The following KCNMA1 variants were observed in gnomAD, a reference collection of about 807,000 sequenced individuals.
KCNMA1 encodes potassium calcium-activated channel subfamily M alpha 1.
A neutral mutation model predicts 140.0 loss-of-function variants in KCNMA1; 29 were observed. That is an observed-to-expected ratio of 0.21 (90% CI 0.15 to 0.28). The LOEUF (loss-of-function observed/expected upper bound fraction) is 0.28, where lower values mean the gene tolerates loss of function less well. KCNMA1 is among the 10% of genes least tolerant of loss of function. KCNMA1 has a pLI of 1.00. For missense variants in KCNMA1, 880 were observed against 1,602.2 expected (o/e 0.55, Z 7.70); for synonymous variants, 612 against 611.9 (o/e 1.00, Z 0.00).
intron 2 of KCNMA1, among the ~76,000 whole-genome samples, chr10:77,389,449 C>T (rs1482654409): frequency 4.6e-5 from 7 of 152,134 alleles, no homozygotes; most frequent in Admixed American, 4.6e-4. Context: ...CCATGATTTG[C>T]AGCAGTTCAG....
At position 77,403,345 on chromosome 10, in the gene KCNMA1, A is replaced by G. The variant is rs139421783; in HGVS notation, c.540+517T>C. Among the ~76,000 whole-genome samples the G allele has an allele frequency of 1.4e-4, 22 of 152,166 alleles. No individual in the cohort carries two copies. The East Asian group carries it at 3.9e-3, about 27-fold the overall frequency. On this transcript the variant is annotated intron_variant, in intron 2 of 27. Transcript: ENST00000286628. ...GTGGGCTACTGATGCATCCACCATCAGCATGACTGATTTCTACCGTGCACA... is the reference window on the plus strand; with the variant it reads ...GTGGGCTACTGATGCATCCACCATCGGCATGACTGATTTCTACCGTGCACA...
At chr10:77,125,779 C>T (rs1180697702) in intron 5 of KCNMA1, among the ~76,000 whole-genome samples, 1 of 152,194 alleles carries the variant, frequency 6.6e-6, no homozygotes, top group South Asian at 2.1e-4. Context: ...CTCAATAAAT[C>T]CTTGTTTGAA....
chr10:76,949,226 C>T lies in KCNMA1; in HGVS notation c.2625G>A (p.Lys875=). 1.2e-6 allele frequency: 2 copies of T among 1,614,124 alleles called. No individual in the cohort carries two copies. The highest frequency in any genetic ancestry group is 1.7e-6 in the Non-Finnish European group (2 of 1,179,990). Residue 875 remains lysine (K), a synonymous_variant, in exon 22 of 28, where the codon AAG becomes AAA. Transcript: ENST00000286628. ...CAATAGAGCCCACAAACACAATGTG[C>T]TTGAGCTCATGGTAATGAAAGTTGC... is the stretch of plus-strand genomic sequence containing the variant. ...RASNFHYHEL[K]HIVFVGSIEY...
At chr10:77,317,605 T>C (rs766959286) in intron 2 of KCNMA1, among the ~76,000 whole-genome samples, 1 of 152,238 alleles carries the variant, frequency 6.6e-6, no homozygotes, top group Admixed American at 6.5e-5. Context: ...AAATTCCTAA[T>C]TGAAGATGCG....
At chr10:77,496,479 C>A (rs1018260066) in intron 1 of KCNMA1, among the ~76,000 whole-genome samples, 1 of 151,664 alleles carries the variant, frequency 6.6e-6, no homozygotes, top group Admixed American at 6.6e-5. Flanking sequence ...CGCCTGTAGT[C>A]CCATCTACTT....
At chr10:77,424,250 T>G (rs2096927960) in intron 1 of KCNMA1, among the ~76,000 whole-genome samples, 4 of 152,262 alleles carry the variant, frequency 2.6e-5, no homozygotes, top group Admixed American at 2.6e-4. Flanking sequence ...TTGTTGGATG[T>G]GTCTAGCACA....
downstream of KCNMA1, among the ~76,000 whole-genome samples, chr10:76,883,578 C>T (rs76441846): frequency 6.6e-6 from 1 of 152,132 alleles, no homozygotes; most frequent in East Asian, 1.9e-4. Flanking sequence ...TATTGTTCAC[C>T]CCTTTCAAAG....
At chr10:77,534,767 T>C in intron 1 of KCNMA1, among the ~76,000 whole-genome samples, 1 of 152,186 alleles carries the variant, frequency 6.6e-6, no homozygotes, top group East Asian at 1.9e-4. Context: ...ATTTGAGATG[T>C]TCCCAAAACA....
At chr10:76,888,650 T>C (rs1365586868) in intron 27 of KCNMA1, among the ~76,000 whole-genome samples, 1 of 152,204 alleles carries the variant, frequency 6.6e-6, no homozygotes, top group Non-Finnish European at 1.5e-5. Context: ...TAAACTGTTA[T>C]TTCTCTGCTT....
intron 1 of KCNMA1, among the ~76,000 whole-genome samples, chr10:77,596,655 G>A (rs1030322710): frequency 3.3e-5 from 5 of 152,172 alleles, no homozygotes; most frequent in Admixed American, 2.6e-4. Flanking sequence ...TCCAATGTTC[G>A]ACAAGGTGTG....
At chr10:77,478,935 G>A (rs1603627860) in intron 1 of KCNMA1, among the ~76,000 whole-genome samples, 1 of 152,178 alleles carries the variant, frequency 6.6e-6, no homozygotes, top group Admixed American at 6.5e-5. Flanking sequence ...ATAACGTAAT[G>A]TTAAGAAGAA....
rs566065787 is a variant in KCNMA1 at position 76,948,126 on chromosome 10, T to C, written c.2709+1016A>G. On this transcript the variant is annotated intron_variant, in intron 22 of 27. Transcript: ENST00000286628. Reference sequence around the variant, plus strand: ...CTCAAGTGATCCTCCCAACTCAGCCTCTCAAGTAGCTGGAACTACAAGCAC... The same window carrying C: ...CTCAAGTGATCCTCCCAACTCAGCCCCTCAAGTAGCTGGAACTACAAGCAC... 5.8e-4 allele frequency among the ~76,000 whole-genome samples: 88 copies of C among 152,202 alleles called. 4 individuals carry two copies. In the South Asian group the frequency reaches 0.018, roughly 31 times the overall value.
At chr10:77,634,458 G>A (rs2093536311) in intron 1 of KCNMA1, 1 of 985,302 alleles carries the variant, frequency 1.0e-6, no homozygotes, top group African/African-American at 1.7e-5. Context: ...ACAGTCTTGG[G>A]TTCCTTTGAT....
intron 17 of KCNMA1, among the ~76,000 whole-genome samples, chr10:77,017,704 G>A (rs1565565934): frequency 1.3e-5 from 2 of 152,286 alleles, no homozygotes; most frequent in East Asian, 1.9e-4. Flanking sequence ...ATCGTTCTGT[G>A]CTCAGCGTAT....
intron 2 of KCNMA1, among the ~76,000 whole-genome samples, chr10:77,301,836 A>T (rs914762991): frequency 6.7e-6 from 1 of 150,162 alleles, no homozygotes; most frequent in Admixed American, 6.7e-5. Context: ...ATGCTTTTAG[A>T]TCACAGTAAT....
chr10:76,898,455 T>C (rs762844354), intron 25 of KCNMA1, among the ~76,000 whole-genome samples: 2 of 151,644 alleles, frequency 1.3e-5, no homozygotes, highest in African/African-American at 4.8e-5. Context: ...GATAAGAAAA[T>C]TGAGGATATA....
intron 1 of KCNMA1, chr10:77,634,515 G>A: frequency 3.0e-6 from 3 of 985,342 alleles, no homozygotes; most frequent in Non-Finnish European, 3.6e-6. Context: ...CATGAAATTG[G>A]AGCTCCTTGC....
intron 2 of KCNMA1, among the ~76,000 whole-genome samples, chr10:77,274,222 C>T (rs992294895): frequency 6.6e-6 from 1 of 152,108 alleles, no homozygotes; most frequent in Non-Finnish European, 1.5e-5. Context: ...CAGAATCACA[C>T]ACTATTTATA....
At chr10:77,325,020 A>G (rs1243167672) in intron 2 of KCNMA1, among the ~76,000 whole-genome samples, 1 of 145,188 alleles carries the variant, frequency 6.9e-6, no homozygotes, top group Non-Finnish European at 1.5e-5. Flanking sequence ...TGTCAGAGAA[A>G]GAGAGTGAGA....
Sources: gnomAD v4.1 joint callset for allele counts (sites outside exome capture counted in the v4.1 genomes callset) on GRCh38, gnomAD v4.1.1 for gene constraint, MANE v1.5 for transcripts, NCBI Gene and HGNC (gene_info 2026-07-23, HGNC 2026-07-21) for gene names.